The following POLL variants were observed in gnomAD, a reference collection of about 807,000 sequenced individuals.
The protein encoded by POLL is DNA polymerase lambda.
POLL carries 44 observed loss-of-function variants against 58.1 expected under a neutral mutation model. The ratio of observed to expected loss-of-function variants is 0.76; its 90% CI spans 0.60 to 0.97. The LOEUF (loss-of-function observed/expected upper bound fraction) is 0.97, where lower values mean the gene tolerates loss of function less well. POLL is among the 50% of genes least tolerant of loss of function. The pLI, the probability that POLL is intolerant of heterozygous loss-of-function variation, is 0.00. For missense variants in POLL, 632 were observed against 736.8 expected (o/e 0.86, Z 1.65); for synonymous variants, 290 against 283.2 (o/e 1.02, Z -0.24).
In POLL at chr10:101,579,039, G is replaced by A. The variant is rs565218057; in HGVS notation, c.*414C>T. On this transcript the variant is annotated 3_prime_UTR_variant, in exon 9 of 9. Transcript: ENST00000370162. This position sits in a 1 kb window ranked among gnomAD's most constrained non-coding sequence, Gnocchi z 4.4. ...CTGTTCTCCTACCCCAGAGGGTGCC[G>A]GATGATGTTGACAGCACGGCTGCTT... 5.0e-4 allele frequency: 111 copies of A among 221,118 alleles called. 1 individual carries two copies. In the Middle Eastern group the frequency reaches 5.4e-3, roughly 11 times the overall value. 13.7% of individuals were successfully genotyped at this position (221,118 alleles called of 1,614,324 possible).
Position 101,588,033 on chromosome 10 carries a change from G to T in POLL, c.-258C>A. On this transcript the variant is annotated 5_prime_UTR_variant, in exon 1 of 9. Transcript: ENST00000370162. ...AGTCCCGGGCAGGTGCGGTGTACTC[G>T]CCGTGTACGCAGCTGGCGCAGGCCA... The T allele has an allele frequency of 1.4e-6, 2 of 1,397,778 alleles. No individual in the cohort carries two copies. The highest frequency in any genetic ancestry group is 1.9e-6 in the Non-Finnish European group (2 of 1,059,358). 86.6% of individuals were successfully genotyped at this position (1,397,778 alleles called of 1,614,324 possible).
At position 101,587,393 on chromosome 10, in the gene POLL, G is replaced by A. The variant is rs374562021; in HGVS notation, c.-33C>T. 1.9e-6 allele frequency: 3 copies of A among 1,612,652 alleles called. No homozygotes were observed. The highest frequency in any genetic ancestry group is 8.5e-7 in the Non-Finnish European group (1 of 1,179,542). ...TGGCTGGATCCCGGCCTATTGGAGC[G>A]TTGGTCAGGGCTGCTGCACGTGGAA... On this transcript the variant is annotated 5_prime_UTR_variant, in exon 2 of 9. The change creates a new upstream start codon in the 5' untranslated region. Transcript: ENST00000370162.
At chr10:101,585,567 C>T in intron 3 of POLL, 89 bp from the exon 4 acceptor site, 2 of 1,200,956 alleles carry the variant, frequency 1.7e-6, no homozygotes, top group East Asian at 4.9e-5. Flanking sequence ...TACTTGGTTT[C>T]CCAGTGTGTC....
intron 6 of POLL, 132 bp downstream of exon 6, chr10:101,583,376 T>C: frequency 1.1e-6 from 1 of 936,608 alleles, no homozygotes; most frequent in East Asian, 2.4e-5. Context: ...GCTTGAAAAA[T>C]GGTCTCCCTA....
chr10:101,587,300 A>G lies in POLL; in HGVS notation c.61T>C (p.Ser21Pro). The change falls in exon 2 of 9, where the codon TCA becomes CCA. Residue 21 changes from serine to proline, a missense_variant. Coordinates refer to ENST00000370162, the MANE Select transcript of POLL (RefSeq NM_001174084.2). Reference sequence around the variant, plus strand: ...GGAATCTTTGCAAGTACTTTTGATGATGCATCAGCATGAATTTTCTGCCGC... The same window carrying G: ...GGAATCTTTGCAAGTACTTTTGATGGTGCATCAGCATGAATTTTCTGCCGC... The part of the protein sequence containing the change: ...PKRQKIHADA[S>P]SKVLAKIPRR... The G allele has an allele frequency of 6.2e-7, 1 of 1,614,150 alleles. No homozygotes were observed. Among genetic ancestry groups the G allele is most frequent in the South Asian group, 1.1e-5 (1 of 91,076 alleles).
intron 2 of POLL, 91 bp from the exon 3 acceptor site, chr10:101,586,247 G>T (rs2063327456): frequency 2.6e-6 from 3 of 1,145,742 alleles, no homozygotes; most frequent in Non-Finnish European, 3.8e-6. Context: ...AACATGATCT[G>T]AATGACGTGT....
intron 5 of POLL, 92 bp downstream of exon 5, chr10:101,584,510 C>T (rs2063187187): frequency 2.4e-6 from 2 of 848,030 alleles, no homozygotes; most frequent in Non-Finnish European, 3.5e-6. Context: ...GTCCTAGACC[C>T]CATAAAATCT....
At position 101,587,972 on chromosome 10, in the gene POLL, C is replaced by T. The variant is rs1323180898; in HGVS notation, c.-197G>A. The T allele has an allele frequency of 9.3e-6, 12 of 1,284,230 alleles. No individual in the cohort carries two copies. Among genetic ancestry groups the T allele is most frequent in the Non-Finnish European group, 1.0e-5 (10 of 988,448 alleles). 79.6% of individuals were successfully genotyped at this position (1,284,230 alleles called of 1,614,324 possible). A position where few individuals can be genotyped will look rare whatever the true frequency, so the allele number is the denominator to read the frequency against. On this transcript the variant is annotated 5_prime_UTR_variant, in exon 1 of 9. Transcript: ENST00000370162. Reference sequence around the variant, plus strand: ...CACGGCCGCAGCAGGTGTGGGGAGCCCTCCGGGAATGGAGGAGTCTCGCAG... The same window carrying T: ...CACGGCCGCAGCAGGTGTGGGGAGCTCTCCGGGAATGGAGGAGTCTCGCAG...
rs576091572 is a variant in POLL, at chr10:101,587,639, T to C, written c.-47+183A>G. ...GAAGGCTGGTGCCATCGGGGGTACT[T>C]TTGAGGAGTAGGAAACGACACCATT... is the stretch of plus-strand genomic sequence containing the variant. On this transcript the variant is annotated intron_variant, in intron 1 of 8. Transcript: ENST00000370162. 1.1e-5 allele frequency: 11 copies of C among 975,558 alleles called. No homozygotes were observed. In the South Asian group the frequency reaches 1.5e-4, roughly 13 times the overall value. The allele number at this position is 975,558 out of a possible 1,614,324, so 60.4% of individuals were successfully genotyped here. A position where few individuals can be genotyped will look rare whatever the true frequency, so the allele number is the denominator to read the frequency against.
Position 101,584,761 on chromosome 10 carries a change from G to C in POLL, c.732C>G (p.Pro244=), listed in dbSNP as rs1291347809. 1.9e-6 allele frequency: 3 copies of C among 1,613,814 alleles called. No individual in the cohort carries two copies. Among genetic ancestry groups the C allele is most frequent in the Non-Finnish European group, 2.5e-6 (3 of 1,179,920 alleles). Residue 244 remains proline, a synonymous_variant, in exon 5 of 9, where the codon CCC becomes CCG. Transcript: ENST00000370162. ...TGTGATTGGTCGCCTTCTGGCTTGA[G>C]GGCTGTGCACAGACCCACTTATCCA... ...AVLDKWVCAQ[P]SSQKATNHNL...
rs557827248 is a variant in POLL at position 101,586,156 on chromosome 10, T to C, written c.116A>G (p.Glu39Gly). Residue 39 changes from glutamate (E) to glycine (G), a missense_variant and splice_region_variant, in exon 3 of 9, where the codon GAG (glutamate) becomes GGG (glycine). Transcript: ENST00000370162. ...ATGGGCCCGAAGGGAGCTCAGCCAC[T>C]CTGTGGAAGGAACATCCAGATGACT... The part of the protein sequence containing the change: ...PRREEGEEAE[E>G]WLSSLRAHVV... 1.6e-5 allele frequency: 25 copies of C among 1,608,506 alleles called. No individual in the cohort carries two copies. In the South Asian group the frequency reaches 1.6e-4, roughly 11 times the overall value.
chr10:101,580,263 T>C lies in POLL; in HGVS notation c.1348A>G (p.Ser450Gly), dbSNP rs145030649. The C allele has an allele frequency of 2.5e-6, 4 of 1,613,728 alleles. No homozygotes were observed. The African/African-American group carries it at 5.3e-5, about 22-fold the overall frequency. The change falls in exon 8 of 9, where the codon AGT becomes GGT. Residue 450 changes from serine to glycine, a missense_variant. By Grantham distance (56) the Ser-to-Gly change is moderately conservative (BLOSUM62 0). Transcript: ENST00000370162. The surrounding 1 kb of genome is among the most constrained non-coding windows in gnomAD (Gnocchi z 4.1). ...GAGCTTATACCTTCCTGCCGAAGAC[T>C]GTCAAGGAGGCGGCTGAAGATACCC... ...HRGIFSRLLDSLRQEGFLTDD... is the reference protein window; with the variant it reads ...HRGIFSRLLDGLRQEGFLTDD...
chr10:101,585,383 G>T lies in POLL; in HGVS notation c.506C>A (p.Pro169His). ...AGACACAGGCCTGGTGGGAGGAGGA[G>T]GAGGAGAAAGGGCTGTCTGAAGCAG... Reference protein sequence around the residue: ...EALLQTALSPPPPPTRPVSPP... With the variant: ...EALLQTALSPHPPPTRPVSPP... The change falls in exon 4 of 9, where the codon CCT becomes CAT. Residue 169 changes from proline to histidine, a missense_variant. Transcript: ENST00000370162. 1.2e-6 allele frequency: 2 copies of T among 1,608,376 alleles called. No homozygotes were observed. The highest frequency in any genetic ancestry group is 1.7e-6 in the Non-Finnish European group (2 of 1,177,310).
rs1175144747 is a variant in POLL at position 101,580,289 on chromosome 10, C to T, written c.1322G>A (p.Arg441Gln). 3.1e-6 allele frequency: 5 copies of T among 1,614,000 alleles called. No individual in the cohort carries two copies. The highest frequency in any genetic ancestry group is 2.2e-5 in the East Asian group (1 of 44,866). ...LITHPDGRSH[R>Q]GIFSRLLDSL... The stretch of plus-strand genomic sequence containing the variant: ...GTCAAGGAGGCGGCTGAAGATACCC[C>T]GGTGGGACCGGCCATCTGGGTGAGT... The change falls in exon 8 of 9, where the codon CGG (arginine) becomes CAG (glutamine). Residue 441 changes from arginine to glutamine, a missense_variant. Physicochemically the swap from Arg to Gln is conservative, Grantham distance 43. Coordinates refer to ENST00000370162, the MANE Select transcript of POLL (RefSeq NM_001174084.2). This position sits in a 1 kb window ranked among gnomAD's most constrained non-coding sequence, Gnocchi z 4.1.
In POLL at chr10:101,584,727, T is replaced by C. The variant is rs758052882; in HGVS notation, c.766A>G (p.Ile256Val). 29 of 1,614,002 alleles carry C rather than the reference T, an allele frequency of 1.8e-5. No homozygotes were observed. The highest frequency in any genetic ancestry group is 1.6e-4 in the Middle Eastern group (1 of 6,084). ...GCCAGAACTTCCAGCTTCTCTGTGA[T>C]ATGGAGGTTGTGATTGGTCGCCTTC... The part of the protein sequence containing the change: ...SQKATNHNLH[I>V]TEKLEVLAKA... Residue 256 changes from isoleucine to valine, a missense_variant, in exon 5 of 9, where the codon ATC becomes GTC. Ile to Val is a conservative substitution (Grantham distance 29). Transcript: ENST00000370162.
chr10:101,583,482 AAGTAGGGGCTGAGCC>A lies in POLL; in HGVS notation c.1065+11_1065+25del, dbSNP rs1369072923. On this transcript the variant is annotated intron_variant, in intron 6 of 8. Transcript: ENST00000370162. ...GGAACTCTGAGACACAGCAAAACTG[AAGTAGGGGCTGAGCC>A]AGGGTGTGACCTGTTGGTACCACAT... 1 of 1,610,832 alleles carries A rather than the reference AAGTAGGGGCTGAGCC, an allele frequency of 6.2e-7. No homozygotes were observed. Among genetic ancestry groups the A allele is most frequent in the Non-Finnish European group, 8.5e-7 (1 of 1,178,934 alleles).
At chr10:101,583,898 G>C (rs866701895) in intron 5 of POLL, among the ~76,000 whole-genome samples, 3 of 152,160 alleles carry the variant, frequency 2.0e-5, no homozygotes, top group African/African-American at 7.2e-5. Context: ...CCAGAAGGAT[G>C]GAGACCAGCA....
chr10:101,584,956 G>C (rs1163047429), intron 4 of POLL, 37 bp from the exon 5 acceptor site: 3 of 1,293,402 alleles, frequency 2.3e-6, no homozygotes, highest in South Asian at 2.5e-5. Flanking sequence ...ATAAATTCTT[G>C]TTCTCCAAGA....
chr10:101,582,864 T>G lies in POLL; in HGVS notation c.1093A>C (p.Ser365Arg). 1 of 1,614,198 alleles carries G rather than the reference T, an allele frequency of 6.2e-7. No homozygotes were observed. ...TGCTGGGTTGTCAGGGAGGCCTGGC[T>G]GCGGATGTCTTCCAGACTTCGGAAG... ...QGFRSLEDIR[S>R]QASLTTQQAI... The change falls in exon 7 of 9, where the codon AGC (serine) becomes CGC (arginine). Residue 365 changes from serine to arginine, a missense_variant. By Grantham distance (110) the Ser-to-Arg change is moderately radical. Transcript: ENST00000370162.
Sources: gnomAD v4.1 joint callset for allele counts (sites outside exome capture counted in the v4.1 genomes callset) on GRCh38, gnomAD v4.1.1 for gene constraint, Gnocchi (gnomAD v3.1) non-coding constraint, MANE v1.5 for transcripts, NCBI Gene and HGNC (gene_info 2026-07-23, HGNC 2026-07-21) for gene names.